CNKSR2: variants seen among roughly 807,000 people sequenced by gnomAD.
The protein encoded by CNKSR2 is CNK homolog protein 2.
In CNKSR2, 14 loss-of-function variants were observed where a neutral mutation model predicts 84.4. The ratio of observed to expected loss-of-function variants is 0.17; its 90% CI spans 0.11 to 0.26. CNKSR2 has a LOEUF of 0.26. Among genes scored for constraint, CNKSR2 ranks in the 10% least tolerant of loss-of-function variants. CNKSR2 has a pLI of 1.00. For missense variants in CNKSR2, 485 were observed against 771.2 expected, an observed-to-expected ratio of 0.63 and a Z score of 4.40; for synonymous variants, 275 against 277.9, an observed-to-expected ratio of 0.99 and a Z score of 0.10.
intron 13 of CNKSR2, among the ~76,000 whole-genome samples, chrX:21,569,325 T>C (rs931776261): frequency 9.0e-6 from 1 of 111,280 alleles, no homozygotes; most frequent in Non-Finnish European, 1.9e-5. Context: ...GACAATATCT[T>C]AAAACAAAAT....
intron 1 of CNKSR2, among the ~76,000 whole-genome samples, chrX:21,403,724 G>A (rs765204928): frequency 7.2e-4 from 80 of 111,542 alleles, no homozygotes; most frequent in Middle Eastern, 4.7e-3. Context: ...TGTGAACTAG[G>A]TTCTATTCTG....
intron 4 of CNKSR2, among the ~76,000 whole-genome samples, chrX:21,448,004 A>T (rs993046995): frequency 9.0e-6 from 1 of 111,334 alleles, no homozygotes; most frequent in South Asian, 3.8e-4. Flanking sequence ...CTATACTCAT[A>T]CTTTAGAAGG....
intron 1 of CNKSR2, among the ~76,000 whole-genome samples, chrX:21,418,434 C>T (rs1395124114): frequency 9.0e-6 from 1 of 111,558 alleles, no homozygotes; most frequent in African/African-American, 3.3e-5. Flanking sequence ...ATGTCCTTTT[C>T]TTTCTGATTG....
chrX:21,474,110 A>G, intron 5 of CNKSR2, among the ~76,000 whole-genome samples: 1 of 110,682 alleles, frequency 9.0e-6, no homozygotes, highest in African/African-American at 3.3e-5. Flanking sequence ...ATCAAAAGCC[A>G]GAGTTTTTAT....
chrX:21,513,167 T>C (rs953369535), intron 8 of CNKSR2, among the ~76,000 whole-genome samples: 1 of 111,810 alleles, frequency 8.9e-6, no homozygotes, highest in Non-Finnish European at 1.9e-5. Context: ...GCAGGAATGG[T>C]AGAAAGATTT....
At chrX:21,567,795 GGTGTGTGTGT>G (rs58020537) in intron 13 of CNKSR2, among the ~76,000 whole-genome samples, 4,263 of 90,054 alleles carry the variant, frequency 0.047, 270 homozygotes, top group African/African-American at 0.16. Flanking sequence ...GTTTTTGTGT[GGTGTGTGTGT>G]GTGTGTGTGT....
chrX:21,391,420 C>G, intron 1 of CNKSR2, among the ~76,000 whole-genome samples: 1 of 112,407 alleles, frequency 8.9e-6, no homozygotes, highest in Admixed American at 9.4e-5. Flanking sequence ...ACCCTCTATG[C>G]ACCCGCAGGC....
intron 1 of CNKSR2, among the ~76,000 whole-genome samples, chrX:21,417,225 CA>C: frequency 9.0e-6 from 1 of 111,724 alleles, no homozygotes; most frequent in East Asian, 2.8e-4. Flanking sequence ...GTGTAGTTTC[CA>C]AAATTCCTCT....
At chrX:21,594,280 T>C (rs1479218814) in intron 15 of CNKSR2, 1 of 110,833 alleles carries the variant, frequency 9.0e-6, no homozygotes, top group African/African-American at 3.3e-5. Context: ...TGAGAACTCA[T>C]GCACACAAAG....
chrX:21,378,377 A>T (rs1447272069), intron 1 of CNKSR2, among the ~76,000 whole-genome samples: 1 of 111,864 alleles, frequency 8.9e-6, no homozygotes, highest in Non-Finnish European at 1.9e-5. Context: ...ATAGAGGCAA[A>T]TAAGTTATTG....
chrX:21,489,964 A>C (rs1287524669), intron 5 of CNKSR2, among the ~76,000 whole-genome samples: 1 of 111,839 alleles, frequency 8.9e-6, no homozygotes, highest in Non-Finnish European at 1.9e-5. Flanking sequence ...AGGAGGTGGG[A>C]AACTTTATAC....
At chrX:21,611,762 T>C (rs2092551447) in intron 20 of CNKSR2, among the ~76,000 whole-genome samples, 1 of 111,807 alleles carries the variant, frequency 8.9e-6, no homozygotes, top group East Asian at 2.8e-4. Flanking sequence ...GTAGAATAAT[T>C]GTTATAAGAT....
intron 10 of CNKSR2, among the ~76,000 whole-genome samples, chrX:21,531,417 C>T (rs1032463956): frequency 9.0e-6 from 1 of 110,888 alleles, no homozygotes; most frequent in African/African-American, 3.3e-5. Flanking sequence ...CTTAAGTTAA[C>T]ATTATTACCA....
chrX:21,550,681 T>C (rs937338311), intron 11 of CNKSR2, among the ~76,000 whole-genome samples: 1 of 112,034 alleles, frequency 8.9e-6, no homozygotes, highest in African/African-American at 3.2e-5. Flanking sequence ...TGCCCATCAA[T>C]GATAGACTGG....
chrX:21,648,753 A>C, intron 20 of CNKSR2, 78 bp from the exon 21 acceptor site: 1 of 830,298 alleles, frequency 1.2e-6, no homozygotes, highest in Non-Finnish European at 1.7e-6. Flanking sequence ...ACTATATTGC[A>C]ATGAATTCAT....
intron 1 of CNKSR2, among the ~76,000 whole-genome samples, chrX:21,408,344 A>G (rs2090292634): frequency 9.0e-6 from 1 of 111,651 alleles, no homozygotes; most frequent in Non-Finnish European, 1.9e-5. Context: ...AATTCTGTGT[A>G]GCAGGCAATG....
intron 1 of CNKSR2, among the ~76,000 whole-genome samples, chrX:21,421,131 G>C (rs1423831450): frequency 9.0e-6 from 1 of 110,909 alleles, no homozygotes; most frequent in Non-Finnish European, 1.9e-5. Flanking sequence ...GGCATCAGCT[G>C]AGTTTGGTCT....
intron 5 of CNKSR2, among the ~76,000 whole-genome samples, chrX:21,480,294 G>A (rs896597976): frequency 2.7e-5 from 3 of 111,365 alleles, no homozygotes; most frequent in South Asian, 3.8e-4. Context: ...GGTCTCTGCC[G>A]TTTGGTCCCT....
intron 1 of CNKSR2, among the ~76,000 whole-genome samples, chrX:21,403,128 A>G (rs5904484): frequency 0.36 from 39,904 of 109,744 alleles, 9,293 homozygotes; most frequent in African/African-American, 0.86. Flanking sequence ...TTACATTGGT[A>G]TGTATTTCTA....
Sources: allele counts gnomAD v4.1 joint callset (sites outside exome capture counted in the v4.1 genomes callset), GRCh38; gene constraint gnomAD v4.1.1; transcripts MANE v1.5; gene names NCBI Gene and HGNC (gene_info 2026-07-23, HGNC 2026-07-21).